Variants in SLIT3 observed in about 807,000 individuals in gnomAD.
The protein encoded by SLIT3 is slit guidance ligand 3.
Under a neutral mutation model 184.0 loss-of-function variants are expected in SLIT3, and 68 were observed. That is an observed-to-expected ratio of 0.37 (90% CI 0.30 to 0.45). SLIT3 has a LOEUF of 0.45. Among genes scored for constraint, SLIT3 ranks in the 20% least tolerant of loss-of-function variants. SLIT3 has a pLI of 1.00. For synonymous variants in SLIT3, 831 were observed against 828.6 expected, an observed-to-expected ratio of 1.00 and a Z score of -0.05; for missense variants, 1,707 against 2,026.0, an observed-to-expected ratio of 0.84 and a Z score of 3.02.
chr5:169,111,071 G>A (rs995885167), intron 4 of SLIT3, among the ~76,000 whole-genome samples: 2 of 152,134 alleles, frequency 1.3e-5, no homozygotes, highest in South Asian at 4.1e-4. Flanking sequence ...TCCTCGCAGG[G>A]CCTTGCTGTA....
intron 35 of SLIT3, 23 bp from the exon 36 acceptor site, chr5:168,666,712 G>A (rs780204864): frequency 8.7e-6 from 14 of 1,613,896 alleles, no homozygotes; most frequent in Admixed American, 1.7e-5. Flanking sequence ...TAGAAGTCAG[G>A]GCATTGGTGG....
Position 169,300,800 on chromosome 5 carries a change from G to T in SLIT3, c.-91C>A. On this transcript the variant is annotated 5_prime_UTR_variant, in exon 1 of 36. Transcript: ENST00000519560. The surrounding 1 kb of genome is among the most constrained non-coding windows in gnomAD (Gnocchi z 4.1). ...GGCGCGCGGGGAGCGCGGGCGGCCTGGGGAGCGGGCGGCGGAGTTAGCGCG... is the reference window on the plus strand; with the variant it reads ...GGCGCGCGGGGAGCGCGGGCGGCCTTGGGAGCGGGCGGCGGAGTTAGCGCG... The T allele has an allele frequency of 8.2e-7, 1 of 1,214,584 alleles. No homozygotes were observed. Among genetic ancestry groups the T allele is most frequent in the Non-Finnish European group, 1.0e-6 (1 of 973,722 alleles). The allele number at this position is 1,214,584 out of a possible 1,614,324, so 75.2% of individuals were successfully genotyped here. A position where few individuals can be genotyped will look rare whatever the true frequency, so the allele number is the denominator to read the frequency against.
chr5:168,935,208 C>G (rs1023763945), intron 4 of SLIT3, among the ~76,000 whole-genome samples: 3 of 151,910 alleles, frequency 2.0e-5, no homozygotes, highest in Non-Finnish European at 4.4e-5. Flanking sequence ...GTATTGCCCT[C>G]ATTTTTCAGA....
At chr5:168,733,338 T>C (rs984472331) in intron 20 of SLIT3, among the ~76,000 whole-genome samples, 1 of 152,126 alleles carries the variant, frequency 6.6e-6, no homozygotes, top group African/African-American at 2.4e-5. Context: ...ATGCTACTGG[T>C]GGGAATGTAA....
chr5:169,182,325 G>T (rs1299039755), intron 4 of SLIT3, among the ~76,000 whole-genome samples: 1 of 152,204 alleles, frequency 6.6e-6, no homozygotes, highest in East Asian at 1.9e-4. Flanking sequence ...TATTTGGTTT[G>T]GACAGTGCTG....
intron 21 of SLIT3, among the ~76,000 whole-genome samples, chr5:168,723,255 C>A (rs552008769): frequency 6.6e-6 from 1 of 151,732 alleles, no homozygotes; most frequent in East Asian, 2.0e-4. Context: ...ACTTACCCAT[C>A]TACCCCTCAC....
chr5:168,721,653 G>C (rs1389526986), intron 23 of SLIT3, among the ~76,000 whole-genome samples: 1 of 152,220 alleles, frequency 6.6e-6, no homozygotes, highest in Non-Finnish European at 1.5e-5. Flanking sequence ...TTTTCCAAAA[G>C]AATATAGAGA....
intron 4 of SLIT3, among the ~76,000 whole-genome samples, chr5:168,967,437 C>CCTTTTTTTTTTTTTTTTTTTTTTTTTTT (rs1763237303): frequency 2.1e-4 from 7 of 32,732 alleles, no homozygotes; most frequent in African/African-American, 6.3e-4. Context: ...CATCTCAAAT[C>CCTTTTTTTTTTTTTTTTTTTTTTTTTTT]TTTTTTTTTT....
intron 14 of SLIT3, among the ~76,000 whole-genome samples, chr5:168,770,673 A>G (rs951792019): frequency 1.6e-4 from 25 of 151,840 alleles, no homozygotes; most frequent in African/African-American, 6.1e-4. Flanking sequence ...TTTTTAAAAA[A>G]GGTATCTTAG....
intron 4 of SLIT3, among the ~76,000 whole-genome samples, chr5:169,110,732 C>T (rs945033419): frequency 1.3e-5 from 2 of 152,184 alleles, no homozygotes; most frequent in Admixed American, 6.5e-5. Context: ...CACCGGGCTA[C>T]GTTATTTCTC....
intron 1 of SLIT3, among the ~76,000 whole-genome samples, chr5:169,270,046 C>G (rs1766544745): frequency 6.6e-6 from 1 of 152,154 alleles, no homozygotes; most frequent in African/African-American, 2.4e-5. Flanking sequence ...TCTCTTTACT[C>G]TTACAAACAT....
At chr5:168,889,162 C>T (rs1394200350) in intron 4 of SLIT3, among the ~76,000 whole-genome samples, 1 of 152,178 alleles carries the variant, frequency 6.6e-6, no homozygotes, top group Non-Finnish European at 1.5e-5. Context: ...AAATTATCCC[C>T]TGGGGATTCT....
intron 8 of SLIT3, among the ~76,000 whole-genome samples, chr5:168,809,821 T>C (rs1258773272): frequency 6.6e-6 from 1 of 152,058 alleles, no homozygotes; most frequent in Non-Finnish European, 1.5e-5. Context: ...GCTACAGAGG[T>C]GAGTGTTCCT....
intron 4 of SLIT3, among the ~76,000 whole-genome samples, chr5:169,056,893 C>T (rs998062499): frequency 2.6e-5 from 4 of 152,196 alleles, no homozygotes; most frequent in Non-Finnish European, 4.4e-5. Flanking sequence ...CTTGACTATG[C>T]CCCCCACAAG....
At chr5:168,981,297 A>C (rs769784063) in intron 4 of SLIT3, among the ~76,000 whole-genome samples, 2 of 152,166 alleles carry the variant, frequency 1.3e-5, no homozygotes, top group Non-Finnish European at 2.9e-5. Flanking sequence ...TGACTACGCA[A>C]CAGTTCAGAT....
Position 168,905,109 on chromosome 5 carries a change from G to A in SLIT3, c.414-21773C>T, listed in dbSNP as rs141322378. ...GGCGAATTGCTCGAACCCGGGAGGC[G>A]GAGGATGCAGTGAGCTGAGATCATG... On this transcript the variant is annotated intron_variant, in intron 4 of 35. Coordinates refer to ENST00000519560, the MANE Select transcript of SLIT3 (RefSeq NM_003062.4). Among the ~76,000 whole-genome samples, 169 of 152,230 alleles carry A rather than the reference G, an allele frequency of 1.1e-3. 2 individuals are homozygous for A. In the East Asian group the frequency reaches 0.026, roughly 24 times the overall value.
chr5:169,246,592 T>A (rs937123611), intron 2 of SLIT3, among the ~76,000 whole-genome samples: 1 of 152,096 alleles, frequency 6.6e-6, no homozygotes, highest in African/African-American at 2.4e-5. Context: ...AATAAGTAAA[T>A]CATCTAGCCC....
chr5:169,136,602 C>A (rs1232193876), intron 4 of SLIT3, among the ~76,000 whole-genome samples: 1 of 152,210 alleles, frequency 6.6e-6, no homozygotes, highest in African/African-American at 2.4e-5. Context: ...AACTGCTAAC[C>A]TGACCATCAT....
At chr5:169,137,800 C>T (rs1267004665) in intron 4 of SLIT3, among the ~76,000 whole-genome samples, 1 of 151,800 alleles carries the variant, frequency 6.6e-6, no homozygotes, top group South Asian at 2.1e-4. Context: ...GAGCCAAACA[C>T]GCAGTCCCTC....
Sources: gnomAD v4.1 joint callset for allele counts (sites outside exome capture counted in the v4.1 genomes callset) on GRCh38, gnomAD v4.1.1 for gene constraint, Gnocchi (gnomAD v3.1) non-coding constraint, MANE v1.5 for transcripts, NCBI Gene and HGNC (gene_info 2026-07-23, HGNC 2026-07-21) for gene names.